Variants in FGF14 observed in about 807,000 individuals in gnomAD.
FGF14 encodes fibroblast growth factor homologous factor 4.
FGF14 carries 5 observed loss-of-function variants against 25.5 expected under a neutral mutation model. That is an observed-to-expected ratio of 0.20 (90% CI 0.10 to 0.41). The LOEUF (loss-of-function observed/expected upper bound fraction) is 0.41, where lower values mean the gene tolerates loss of function less well. Ranked by LOEUF, FGF14 falls within the 10% of genes least tolerant of loss-of-function variation. The probability of loss-of-function intolerance (pLI) is 1.00; values close to 1 mark genes in which losing one functional copy is unlikely to be tolerated. For missense variants in FGF14, 222 were observed against 320.1 expected, an observed-to-expected ratio of 0.69 and a Z score of 2.34; for synonymous variants, 138 against 118.3, an observed-to-expected ratio of 1.17 and a Z score of -1.08.
At chr13:101,813,772 C>T (rs775842162) in intron 3 of FGF14, among the ~76,000 whole-genome samples, 5 of 152,172 alleles carry the variant, frequency 3.3e-5, no homozygotes, top group Non-Finnish European at 7.3e-5. Flanking sequence ...AATTGCATTA[C>T]CTCTAATGGA....
chr13:101,874,921 C>T (rs1019263844), intron 2 of FGF14, among the ~76,000 whole-genome samples: 1 of 151,968 alleles, frequency 6.6e-6, no homozygotes, highest in African/African-American at 2.4e-5. Flanking sequence ...TTAAAAGTAA[C>T]AGTAATTTTC....
intron 1 of FGF14, among the ~76,000 whole-genome samples, chr13:102,138,127 T>C (rs2046492329): frequency 1.3e-5 from 2 of 149,554 alleles, no homozygotes; most frequent in African/African-American, 4.9e-5. Context: ...TGATTGGCAA[T>C]GAGACCATCA....
chr13:102,068,251 TA>T (rs1427127878), intron 1 of FGF14, among the ~76,000 whole-genome samples: 1 of 152,182 alleles, frequency 6.6e-6, no homozygotes, highest in Non-Finnish European at 1.5e-5. Flanking sequence ...TGAAGTATCT[TA>T]AAGAAGAAAA....
At chr13:101,827,248 T>C (rs1362781513) in intron 3 of FGF14, among the ~76,000 whole-genome samples, 4 of 151,990 alleles carry the variant, frequency 2.6e-5, no homozygotes, top group African/African-American at 4.8e-5. Context: ...AAAATGCAGA[T>C]AGCTTGGTGT....
At chr13:102,370,897 C>G (rs1011314615) in intron 1 of FGF14, among the ~76,000 whole-genome samples, 1 of 150,644 alleles carries the variant, frequency 6.6e-6, no homozygotes, top group Admixed American at 6.6e-5. Context: ...CATACATGAA[C>G]TATCCCTATT....
At chr13:101,805,096 G>C (rs1237309774) in intron 3 of FGF14, among the ~76,000 whole-genome samples, 1 of 152,126 alleles carries the variant, frequency 6.6e-6, no homozygotes, top group Non-Finnish European at 1.5e-5. Context: ...ACTATAAGCA[G>C]GTGATATTAT....
At chr13:101,812,635 ATATATATATATATATATATTTTTT>A (rs2041604273) in intron 3 of FGF14, among the ~76,000 whole-genome samples, 3 of 11,024 alleles carry the variant, frequency 2.7e-4, no homozygotes, top group African/African-American at 6.5e-4. Context: ...ATATATATAT[ATATATATATATATATATATTTTTT>A]TTTTTTTTTT....
At chr13:101,779,354 C>T (rs2039345900) in intron 3 of FGF14, among the ~76,000 whole-genome samples, 1 of 152,128 alleles carries the variant, frequency 6.6e-6, no homozygotes, top group Non-Finnish European at 1.5e-5. Context: ...CACGTTTCTT[C>T]CTGATTTAGA....
intron 1 of FGF14, among the ~76,000 whole-genome samples, chr13:102,247,588 A>C (rs2051943386): frequency 6.6e-6 from 1 of 152,288 alleles, no homozygotes; most frequent in African/African-American, 2.4e-5. Flanking sequence ...TTCAGAAAAT[A>C]ATAGATGCTG....
chr13:102,235,446 C>A (rs956377364), intron 1 of FGF14, among the ~76,000 whole-genome samples: 65 of 152,234 alleles, frequency 4.3e-4, no homozygotes, highest in African/African-American at 1.3e-3. Flanking sequence ...CCCTGGTCAC[C>A]TGGGAACTTG....
chr13:102,076,623 G>T (rs2043375345), intron 1 of FGF14, among the ~76,000 whole-genome samples: 1 of 151,962 alleles, frequency 6.6e-6, no homozygotes, highest in South Asian at 2.1e-4. Context: ...AAAAATTGAA[G>T]ACACAAATAA....
At chr13:102,221,030 C>T (rs1340139009) in intron 1 of FGF14, among the ~76,000 whole-genome samples, 1 of 152,172 alleles carries the variant, frequency 6.6e-6, no homozygotes, top group Non-Finnish European at 1.5e-5. Flanking sequence ...GTTATGGTAG[C>T]ATTAACATTC....
At chr13:102,364,509 T>G (rs1181889203) in intron 1 of FGF14, among the ~76,000 whole-genome samples, 8 of 152,226 alleles carry the variant, frequency 5.3e-5, no homozygotes. Flanking sequence ...CACTATTTCA[T>G]GCTTAAGAGT....
At chr13:102,398,243 G>T (rs1173225020) in intron 1 of FGF14, among the ~76,000 whole-genome samples, 1 of 152,030 alleles carries the variant, frequency 6.6e-6, no homozygotes, top group Non-Finnish European at 1.5e-5. Flanking sequence ...TCTTATATAA[G>T]TATTAATAAT....
At chr13:101,880,033 AT>A (rs2045613042) in intron 1 of FGF14, among the ~76,000 whole-genome samples, 1 of 152,184 alleles carries the variant, frequency 6.6e-6, no homozygotes, top group Non-Finnish European at 1.5e-5. Flanking sequence ...ATCTTTGTTT[AT>A]CCCTTAAGAT....
chr13:101,789,059 A>C (rs534310866), intron 3 of FGF14, among the ~76,000 whole-genome samples: 7 of 151,350 alleles, frequency 4.6e-5, no homozygotes, highest in African/African-American at 1.7e-4. Flanking sequence ...TTGGTTTTCC[A>C]AATCTTTCTT....
intron 3 of FGF14, among the ~76,000 whole-genome samples, chr13:101,843,276 CAGA>C (rs1311707541): frequency 6.6e-6 from 1 of 151,974 alleles, no homozygotes; most frequent in Non-Finnish European, 1.5e-5. Context: ...CACTGTATTT[CAGA>C]AGAAGTAGGA....
chr13:101,979,411 T>TGAA (rs2038118231), intron 1 of FGF14, among the ~76,000 whole-genome samples: 1 of 152,194 alleles, frequency 6.6e-6, no homozygotes, highest in Non-Finnish European at 1.5e-5. Flanking sequence ...TTTTACTTCC[T>TGAA]TTATCTCACT....
chr13:102,156,460 G>A (rs112487868), intron 1 of FGF14, among the ~76,000 whole-genome samples: 27 of 152,206 alleles, frequency 1.8e-4, no homozygotes, highest in Middle Eastern at 3.4e-3. Context: ...AAATTCAACA[G>A]CCCTTCATGC....
Sources: gnomAD v4.1 joint callset for allele counts (sites outside exome capture counted in the v4.1 genomes callset) on GRCh38, gnomAD v4.1.1 for gene constraint, MANE v1.5 for transcripts, NCBI Gene and HGNC (gene_info 2026-07-23, HGNC 2026-07-21) for gene names.